NSUN2: variants seen among roughly 807,000 people sequenced by gnomAD.
The protein encoded by NSUN2 is NOP2/Sun RNA methyltransferase 2.
NSUN2 carries 63 observed loss-of-function variants against 92.7 expected under a neutral mutation model. That is an observed-to-expected ratio of 0.68 (90% CI 0.56 to 0.84). The LOEUF (loss-of-function observed/expected upper bound fraction) is 0.84. NSUN2 is among the 40% of genes least tolerant of loss of function. NSUN2 has a pLI of 0.00. For synonymous variants in NSUN2, 356 were observed against 348.3 expected (o/e 1.02, Z -0.25); for missense variants, 989 against 964.9 (o/e 1.02, Z -0.33).
At chr5:6,627,632 AAAG>A (rs1171154443) in intron 3 of NSUN2, among the ~76,000 whole-genome samples, 1 of 152,256 alleles carries the variant, frequency 6.6e-6, no homozygotes, top group Non-Finnish European at 1.5e-5. Flanking sequence ...GATCTCATGT[AAAG>A]AAACATTTAG....
intron 18 of NSUN2, among the ~76,000 whole-genome samples, chr5:6,600,993 G>A (rs762705187): frequency 3.0e-4 from 46 of 151,610 alleles, no homozygotes; most frequent in Non-Finnish European, 4.9e-4. Context: ...ACCTGCACAC[G>A]CCCTCTCTCA....
At position 6,607,199 on chromosome 5, in the gene NSUN2, C is replaced by A; in HGVS notation, c.1508+1G>T. On this transcript the variant is annotated splice_donor_variant, in intron 13 of 18. Coordinates refer to ENST00000264670, the MANE Select transcript of NSUN2 (RefSeq NM_017755.6). LOFTEE classifies it high-confidence loss of function. ...GATCAAGACATAACCACTTTTCTTA[C>A]CCACACACGCCATCTTTCTTACTGC... is the stretch of plus-strand genomic sequence containing the variant. 1 of 1,613,882 alleles carries A rather than the reference C, an allele frequency of 6.2e-7. No individual in the cohort carries two copies. The highest frequency in any genetic ancestry group is 1.1e-5 in the South Asian group (1 of 91,046).
At position 6,611,772 on chromosome 5, in the gene NSUN2, T is replaced by C. The variant is rs764146757; in HGVS notation, c.1048A>G (p.Asn350Asp). The change falls in exon 10 of 19, where the codon AAT (asparagine) becomes GAT (aspartate). Residue 350 changes from asparagine to aspartate, a missense_variant. Transcript: ENST00000264670. The part of the protein sequence containing the change: ...EGALELADVS[N>D]ELPGLKWMPG... ...ATCCACTTCAGCCCTGGCAGTTCAT[T>C]AGACACATCAGCAAGCTCCAAAGCA... 5 of 1,614,136 alleles carry C rather than the reference T, an allele frequency of 3.1e-6. No individual in the cohort carries two copies. The highest frequency in any genetic ancestry group is 1.1e-5 in the South Asian group (1 of 91,086).
Position 6,610,136 on chromosome 5 carries a change from C to T in NSUN2, c.1227-214G>A, listed in dbSNP as rs1560147. ...TGGAGTGCAGTGGTGTGATCTCAAC[C>T]CACTGTAGCCTCCGCCTCCTGGGCT... On this transcript the variant is annotated intron_variant, in intron 11 of 18. Coordinates refer to ENST00000264670, the MANE Select transcript of NSUN2 (RefSeq NM_017755.6). 0.59 allele frequency among the ~76,000 whole-genome samples: 89,847 copies of T among 151,022 alleles called. 27,261 individuals are homozygous for T. Among genetic ancestry groups the T allele is most frequent in the Non-Finnish European group, 0.67 (45,000 of 67,608 alleles).
rs538147024 is a variant in NSUN2 at position 6,610,978 on chromosome 5, C to A, written c.1203G>T (p.Leu401=). 2.5e-6 allele frequency: 4 copies of A among 1,614,150 alleles called. No homozygotes were observed. The South Asian group carries it at 3.3e-5, about 13-fold the overall frequency. The change falls in exon 11 of 19, where the codon CTG becomes CTT. Residue 401 remains leucine, a synonymous_variant. Coordinates refer to ENST00000264670, the MANE Select transcript of NSUN2 (RefSeq NM_017755.6). ...TMFPPKDPEK[L]QAMHLERCLR... is the part of the protein sequence containing the mutation. ...ACCATCGCTCCAGGTGCATGGCCTG[C>A]AGCTTTTCTGGGTCCTTCGGAGGGA...
intron 11 of NSUN2, 80 bp downstream of exon 11, chr5:6,610,875 C>T (rs1736957854): frequency 4.5e-6 from 7 of 1,540,972 alleles, no homozygotes; most frequent in South Asian, 3.6e-5. Flanking sequence ...CTCCAACTCA[C>T]CCCAACAAGA....
intron 6 of NSUN2, chr5:6,620,758 C>A (rs1329986010): frequency 1.3e-5 from 2 of 152,820 alleles, no homozygotes; most frequent in Non-Finnish European, 2.9e-5. Context: ...GGAGGCTCTG[C>A]AGGCTGGGAA....
Position 6,604,160 on chromosome 5 carries a change from G to A in NSUN2, c.1935C>T (p.Thr645=). The change falls in exon 17 of 19, where the codon ACC becomes ACT. Residue 645 remains threonine (T), a synonymous_variant. Coordinates refer to ENST00000264670, the MANE Select transcript of NSUN2 (RefSeq NM_017755.6). ...NPFFRKLSSE[T]YSQAKDLAKG... ...CACCCAGGTCCTTTGCTTGACTGTA[G>A]GTCTCACTGCTGAGTTTTCTAAAAA... 6.2e-7 allele frequency: 1 copy of A among 1,613,948 alleles called. No individual in the cohort carries two copies. Among genetic ancestry groups the A allele is most frequent in the Non-Finnish European group, 8.5e-7 (1 of 1,179,960 alleles).
In NSUN2 at chr5:6,620,084, T is replaced by C. The variant is rs200166306; in HGVS notation, c.815+22A>G. ...TTGATTTCTTTAGTGGATTTGGGCT[T>C]TTTGGCCAATAAGATAAATACCTGC... On this transcript the variant is annotated intron_variant, in intron 7 of 18. Coordinates refer to ENST00000264670, the MANE Select transcript of NSUN2 (RefSeq NM_017755.6). 51 of 1,531,606 alleles carry C rather than the reference T, an allele frequency of 3.3e-5. No homozygotes were observed. In the African/African-American group the frequency reaches 6.9e-4, roughly 21 times the overall value. 94.9% of individuals were successfully genotyped at this position (1,531,606 alleles called of 1,614,324 possible).
intron 9 of NSUN2, among the ~76,000 whole-genome samples, chr5:6,612,494 TAAG>T (rs977414401): frequency 7.9e-5 from 12 of 152,172 alleles, no homozygotes; most frequent in African/African-American, 2.2e-4. Context: ...AGTGACACAA[TAAG>T]AAGCTATAAG....
intron 2 of NSUN2, 22 bp from the exon 3 acceptor site, chr5:6,631,999 T>G (rs1247285787): frequency 6.4e-6 from 10 of 1,551,154 alleles, no homozygotes; most frequent in African/African-American, 1.4e-5. Flanking sequence ...TAAGGAAGTT[T>G]CAAACTGATC....
chr5:6,601,381 T>C (rs1308655381), intron 18 of NSUN2, among the ~76,000 whole-genome samples: 3 of 152,140 alleles, frequency 2.0e-5, no homozygotes, highest in Non-Finnish European at 4.4e-5. Flanking sequence ...TAGATGCTCC[T>C]GCCCGTTCAC....
chr5:6,607,391 T>C lies in NSUN2; in HGVS notation c.1324-7A>G. The C allele has an allele frequency of 6.2e-7, 1 of 1,603,068 alleles. No homozygotes were observed. Among genetic ancestry groups the C allele is most frequent in the African/African-American group, 1.3e-5 (1 of 74,726 alleles). On this transcript the variant is annotated splice_polypyrimidine_tract_variant and splice_region_variant and intron_variant, in intron 12 of 18. Coordinates refer to ENST00000264670, the MANE Select transcript of NSUN2 (RefSeq NM_017755.6). ...CTGCAGATTTACCCTGAAGCTGTCA[T>C]AAAGAACAATTTCATTGACACACAA...
At chr5:6,609,021 T>C (rs761580718) in intron 12 of NSUN2, among the ~76,000 whole-genome samples, 8 of 152,248 alleles carry the variant, frequency 5.3e-5, no homozygotes, top group Non-Finnish European at 1.0e-4. Flanking sequence ...CGTCTGAGGC[T>C]GTACGTTCCA....
intron 2 of NSUN2, among the ~76,000 whole-genome samples, chr5:6,632,180 A>C (rs534619390): frequency 6.7e-6 from 1 of 149,964 alleles, no homozygotes; most frequent in South Asian, 2.2e-4. Flanking sequence ...GCAACACTGC[A>C]TTCCTTCTCT....
Position 6,599,889 on chromosome 5 carries a change from G to T in NSUN2, c.*37C>A. The T allele has an allele frequency of 6.3e-7, 1 of 1,587,960 alleles. No individual in the cohort carries two copies. ...AGTGACCAGAAGAAGCCAGTTTTGC[G>T]TGTGAGGGGTGTGGGCCCCCGCTGC... On this transcript the variant is annotated 3_prime_UTR_variant, in exon 19 of 19. Coordinates refer to ENST00000264670, the MANE Select transcript of NSUN2 (RefSeq NM_017755.6).
chr5:6,607,121 T>C (rs1028557588), intron 13 of NSUN2, 79 bp downstream of exon 13: 9 of 1,443,192 alleles, frequency 6.2e-6, no homozygotes, highest in Non-Finnish European at 8.7e-6. Context: ...GACCAAGAAG[T>C]GGCTCTGGGA....
At chr5:6,631,708 C>T (rs1172392034) in intron 3 of NSUN2, among the ~76,000 whole-genome samples, 165 bp downstream of exon 3, 4 of 152,164 alleles carry the variant, frequency 2.6e-5, no homozygotes, top group South Asian at 2.1e-4. Flanking sequence ...TGAAAACTTG[C>T]GTAGCAATAT....
intron 18 of NSUN2, among the ~76,000 whole-genome samples, chr5:6,601,486 C>G (rs958672947): frequency 6.6e-6 from 1 of 151,990 alleles, no homozygotes; most frequent in African/African-American, 2.4e-5. Context: ...GTTCCCTCAC[C>G]AAGTTCCTGC....
Sources: allele counts gnomAD v4.1 joint callset (sites outside exome capture counted in the v4.1 genomes callset), GRCh38; gene constraint gnomAD v4.1.1; transcripts MANE v1.5; gene names NCBI Gene and HGNC (gene_info 2026-07-23, HGNC 2026-07-21).